SLC25A35: variants seen among roughly 807,000 people sequenced by gnomAD.
SLC25A35 encodes the protein solute carrier family 25, member 35.
A neutral mutation model predicts 30.5 loss-of-function variants in SLC25A35; 32 were observed. The observed-to-expected ratio is 1.05, with a 90% CI of 0.79 to 1.41. The LOEUF (loss-of-function observed/expected upper bound fraction) is 1.41, where lower values mean the gene tolerates loss of function less well. Ranked by LOEUF, SLC25A35 falls within the 40% of genes most tolerant of loss-of-function variation. The pLI, the probability that SLC25A35 is intolerant of heterozygous loss-of-function variation, is 0.00. For missense variants in SLC25A35, 369 were observed against 388.0 expected (o/e 0.95, Z 0.41); for synonymous variants, 142 against 158.1 (o/e 0.90, Z 0.77).
In SLC25A35 at chr17:8,294,719, T is replaced by C. The variant is rs1990750306; in HGVS notation, c.89A>G (p.Gln30Arg). ...TGTGCCAGGGGCCTGCAGTTCTCCT[T>C]GCAACTGCATCCTGGTCTTCACCAC... is the stretch of plus-strand genomic sequence containing the variant. ...LEVVKTRMQLQGELQAPGTYQ... is the reference protein window; with the variant it reads ...LEVVKTRMQLRGELQAPGTYQ... Residue 30 changes from glutamine to arginine, a missense_variant, in exon 1 of 5, where the codon CAA (glutamine) becomes CGA (arginine). By Grantham distance (43) the Gln-to-Arg change is conservative. Transcript: ENST00000577745. 4 of 1,614,030 alleles carry C rather than the reference T, an allele frequency of 2.5e-6. No individual in the cohort carries two copies. The South Asian group carries it at 4.4e-5, about 18-fold the overall frequency.
Position 8,291,463 on chromosome 17 carries a change from T to C in SLC25A35, c.464A>G (p.Glu155Gly), listed in dbSNP as rs369132233. 1.4e-4 allele frequency: 226 copies of C among 1,613,842 alleles called. No homozygotes were observed. Among genetic ancestry groups the C allele is most frequent in the Non-Finnish European group, 1.8e-4 (218 of 1,179,960 alleles). Reference protein sequence around the residue: ...KHQGMFQALTEIGQKHGLVGL... With the variant: ...KHQGMFQALTGIGQKHGLVGL... ...CACCAGACCATGTTTCTGGCCAATC[T>C]CGGTTAGCGCCTGAAACATGCCCTA... The change falls in exon 3 of 5, where the codon GAG (glutamate) becomes GGG (glycine). Residue 155 changes from glutamate (E) to glycine (G), a missense_variant. Coordinates refer to ENST00000577745, the MANE Select transcript of SLC25A35 (RefSeq NM_001320870.2).
downstream of SLC25A35, chr17:8,288,700 C>A: frequency 6.9e-7 from 1 of 1,443,742 alleles, no homozygotes; most frequent in South Asian, 1.1e-5. Context: ...GTGGCGGTGG[C>A]AGCTGCGAAA....
chr17:8,294,982 G>T lies in SLC25A35; in HGVS notation c.-175C>A. 1 of 1,404,390 alleles carries T rather than the reference G, an allele frequency of 7.1e-7. No homozygotes were observed. Among genetic ancestry groups the T allele is most frequent in the Non-Finnish European group, 9.2e-7 (1 of 1,084,104 alleles). 87.0% of individuals were successfully genotyped at this position (1,404,390 alleles called of 1,614,324 possible). A position where few individuals can be genotyped will look rare whatever the true frequency, so the allele number is the denominator to read the frequency against. ...TCAAATGTCAAGTGGTCAAACGTCAGCTGGAATTTGGGAGTCAAGAGCTGG... is the reference window on the plus strand; with the variant it reads ...TCAAATGTCAAGTGGTCAAACGTCATCTGGAATTTGGGAGTCAAGAGCTGG... On this transcript the variant is annotated 5_prime_UTR_variant, in exon 1 of 5. The change creates a new upstream start codon in the 5' untranslated region. Coordinates refer to ENST00000577745, the MANE Select transcript of SLC25A35 (RefSeq NM_001320870.2).
downstream of SLC25A35, chr17:8,289,043 G>T: frequency 2.5e-6 from 4 of 1,613,972 alleles, no homozygotes; most frequent in Non-Finnish European, 3.4e-6. Flanking sequence ...TCGAGCTGCA[G>T]GCCCACGTAC....
At chr17:8,289,734 C>G, downstream of SLC25A35, 5 of 1,613,958 alleles carry the variant, frequency 3.1e-6, no homozygotes, top group Non-Finnish European at 4.2e-6. Flanking sequence ...TACCCAGGTC[C>G]TCTGGGGAAC....
chr17:8,295,393 C>T lies in SLC25A35; in HGVS notation c.-586G>A. ...CTGCGGAGGCCGGGCCGCCACACTC[C>T]TGCCACTGGAGCGCGGGGCCAATGG... On this transcript the variant is annotated 5_prime_UTR_variant, in exon 1 of 5. Transcript: ENST00000577745. 1 of 983,854 alleles carries T rather than the reference C, an allele frequency of 1.0e-6. No homozygotes were observed. The highest frequency in any genetic ancestry group is 1.2e-6 in the Non-Finnish European group (1 of 828,462). The allele number at this position is 983,854 out of a possible 1,614,324, so 60.9% of individuals were successfully genotyped here.
In SLC25A35 at chr17:8,294,560, G is replaced by A. The variant is rs1990737201; in HGVS notation, c.248C>T (p.Thr83Ile). 1.2e-6 allele frequency: 2 copies of A among 1,614,120 alleles called. No homozygotes were observed. Among genetic ancestry groups the A allele is most frequent in the East Asian group, 2.2e-5 (1 of 44,876 alleles). Residue 83 changes from threonine to isoleucine, a missense_variant, in exon 1 of 5, where the codon ACC becomes ATC. Physicochemically the swap from Thr to Ile is moderately conservative, Grantham distance 89. Transcript: ENST00000577745. ...QFLMNGIRLGTYGLAEAGGYL... is the reference protein window; with the variant it reads ...QFLMNGIRLGIYGLAEAGGYL... ...GCCCCCAGCCTCAGCCAGCCCATAG[G>A]TGCCCAGTCGGATGCCATTCATCAG...
At position 8,290,624 on chromosome 17, in the gene SLC25A35, C is replaced by T. The variant is rs1990413807; in HGVS notation, c.784G>A (p.Gly262Ser). The T allele has an allele frequency of 1.9e-6, 3 of 1,539,140 alleles. No individual in the cohort carries two copies. The highest frequency in any genetic ancestry group is 1.4e-5 in the African/African-American group (1 of 73,170). Residue 262 changes from glycine to serine, a missense_variant, in exon 5 of 5, where the codon GGC (glycine) becomes AGC (serine). Physicochemically the swap from Gly to Ser is moderately conservative, Grantham distance 56 (BLOSUM62 0). Transcript: ENST00000577745. ...ATACCCTTGTACATGCCAAAAATGCCCTCGGTCCGAGCTGTCTGCAGCAGA... is the reference window on the plus strand; with the variant it reads ...ATACCCTTGTACATGCCAAAAATGCTCTCGGTCCGAGCTGTCTGCAGCAGA... ...DALLQTARTE[G>S]IFGMYKGIGA...
Position 8,294,631 on chromosome 17 carries a change from A to AT in SLC25A35, c.176_177insA (p.Ala60CysfsTer29), listed in dbSNP as rs746501637. 2 of 1,614,212 alleles carry AT rather than the reference A, an allele frequency of 1.2e-6. No homozygotes were observed. The highest frequency in any genetic ancestry group is 1.7e-6 in the Non-Finnish European group (2 of 1,180,034). On this transcript the variant is annotated frameshift_variant, in exon 1 of 5. Transcript: ENST00000577745. LOFTEE classifies it high-confidence loss of function. ...GGGCCAGGCCTTTCTGCAGGGCAGC[A>AT]AGGCCATCCACCTTGCCGATGGTGA...
chr17:8,291,439 A>G lies in SLC25A35; in HGVS notation c.488T>C (p.Val163Ala). ...LTEIGQKHGLVGLWRGALGGL... is the reference protein window; with the variant it reads ...LTEIGQKHGLAGLWRGALGGL... ...GCCCAGAGCCCCACGCCATAACCCCACCAGACCATGTTTCTGGCCAATCTC... is the reference window on the plus strand; with the variant it reads ...GCCCAGAGCCCCACGCCATAACCCCGCCAGACCATGTTTCTGGCCAATCTC... Residue 163 changes from valine to alanine, a missense_variant, in exon 3 of 5, where the codon GTG becomes GCG. By Grantham distance (64) the Val-to-Ala change is moderately conservative. Coordinates refer to ENST00000577745, the MANE Select transcript of SLC25A35 (RefSeq NM_001320870.2). 1.2e-6 allele frequency: 2 copies of G among 1,613,986 alleles called. No homozygotes were observed. The highest frequency in any genetic ancestry group is 1.7e-6 in the Non-Finnish European group (2 of 1,179,960).
In SLC25A35 at chr17:8,294,961, ATGTCAAG is replaced by A. The variant is rs1275996992; in HGVS notation, c.-161_-155del. 4.2e-6 allele frequency: 6 copies of A among 1,424,180 alleles called. No individual in the cohort carries two copies. Among genetic ancestry groups the A allele is most frequent in the African/African-American group, 1.4e-5 (1 of 69,538 alleles). The allele number at this position is 1,424,180 out of a possible 1,614,324, so 88.2% of individuals were successfully genotyped here. On this transcript the variant is annotated 5_prime_UTR_variant, in exon 1 of 5. Transcript: ENST00000577745. ...TTGCAGTCAAGGGTGTCAGGGTCAA[ATGTCAAG>A]TGGTCAAACGTCAGCTGGAATTTGG... is the stretch of plus-strand genomic sequence containing the variant.
rs940570054 is a variant in SLC25A35 at position 8,290,628 on chromosome 17, G to T, written c.780C>A (p.Thr260=). 1.3e-6 allele frequency: 2 copies of T among 1,540,860 alleles called. No individual in the cohort carries two copies. Among genetic ancestry groups the T allele is most frequent in the East Asian group, 4.9e-5 (2 of 41,146 alleles). Residue 260 remains threonine, a synonymous_variant, in exon 5 of 5, where the codon ACC becomes ACA. Coordinates refer to ENST00000577745, the MANE Select transcript of SLC25A35 (RefSeq NM_001320870.2). ...CCTTGTACATGCCAAAAATGCCCTC[G>T]GTCCGAGCTGTCTGCAGCAGAGCGT... ...ILDALLQTAR[T]EGIFGMYKGI...
chr17:8,293,586 C>T (rs1420663893), intron 1 of SLC25A35, among the ~76,000 whole-genome samples: 4 of 144,534 alleles, frequency 2.8e-5, no homozygotes, highest in Non-Finnish European at 6.0e-5. Flanking sequence ...GAGTCTCTCT[C>T]TCTGGCCCAG....
intron 4 of SLC25A35, 68 bp downstream of exon 4, chr17:8,290,774 C>G: frequency 6.2e-7 from 1 of 1,602,830 alleles, no homozygotes; most frequent in Non-Finnish European, 8.5e-7. Flanking sequence ...TCAGGCTATC[C>G]CACCTGCACC....
chr17:8,292,865 AATGGCAAT>A (rs1990604930), intron 1 of SLC25A35, among the ~76,000 whole-genome samples: 1 of 151,976 alleles, frequency 6.6e-6, no homozygotes, highest in African/African-American at 2.4e-5. Flanking sequence ...GTGGTTGGAG[AATGGCAAT>A]ATTTCCTAAG....
rs368692556 is a variant in SLC25A35 at position 8,290,930 on chromosome 17, A to G, written c.641T>C (p.Met214Thr). The G allele has an allele frequency of 1.2e-6, 2 of 1,614,000 alleles. No individual in the cohort carries two copies. The highest frequency in any genetic ancestry group is 1.7e-5 in the Admixed American group (1 of 59,988). Residue 214 changes from methionine to threonine, a missense_variant, in exon 4 of 5, where the codon ATG becomes ACG. By Grantham distance (81) the Met-to-Thr change is moderately conservative. Coordinates refer to ENST00000577745, the MANE Select transcript of SLC25A35 (RefSeq NM_001320870.2). ...SWKLALVAAM[M>T]SGIAVVLAMA... ...GGCCAAGACAACTGCAATGCCACTC[A>G]TCATGGCAGCCACCAGCGCCAACTT...
chr17:8,293,915 CTT>C (rs3033784), intron 1 of SLC25A35, among the ~76,000 whole-genome samples: 90,798 of 132,178 alleles, frequency 0.69, 31,604 homozygotes, highest in Non-Finnish European at 0.79. Flanking sequence ...AGCCCATAAT[CTT>C]TTTTTTTTTT....
At chr17:8,288,840 C>T (rs150856064), downstream of SLC25A35, 1,646 of 1,614,228 alleles carry the variant, frequency 1.0e-3, no homozygotes, top group Non-Finnish European at 1.3e-3. Context: ...TTCCGCCATC[C>T]TCCCCATGGG....
chr17:8,289,137 G>A, downstream of SLC25A35: 1 of 1,602,206 alleles, frequency 6.2e-7, no homozygotes. Context: ...CGGGGCCCGC[G>A]GCCGACGGTT....
Sources: gnomAD v4.1 joint callset for allele counts (sites outside exome capture counted in the v4.1 genomes callset) on GRCh38, gnomAD v4.1.1 for gene constraint, MANE v1.5 for transcripts, NCBI Gene and HGNC (gene_info 2026-07-23, HGNC 2026-07-21) for gene names.